The following STXBP5L variants were observed in gnomAD, a reference collection of about 807,000 sequenced individuals.
STXBP5L encodes the protein syntaxin-binding protein 5-like.
A neutral mutation model predicts 144.5 loss-of-function variants in STXBP5L; 65 were observed. That is an observed-to-expected ratio of 0.45 (90% confidence interval 0.37 to 0.55). The LOEUF is 0.55. Ranked by LOEUF, STXBP5L falls within the 20% of genes least tolerant of loss-of-function variation. The probability of loss-of-function intolerance (pLI) is 0.00; values close to 1 mark genes in which losing one functional copy is unlikely to be tolerated. For synonymous variants in STXBP5L, 505 were observed against 469.6 expected (o/e 1.08, Z -0.97); for missense variants, 1,298 against 1,405.5 (o/e 0.92, Z 1.22).
chr3:121,395,272 CT>C (rs2046700841), intron 22 of STXBP5L, among the ~76,000 whole-genome samples: 1 of 152,140 alleles, frequency 6.6e-6, no homozygotes, highest in Admixed American at 6.5e-5. Flanking sequence ...AAACAAAACT[CT>C]TCTATTTCAC....
intron 20 of STXBP5L, among the ~76,000 whole-genome samples, chr3:121,369,032 A>AT (rs1189834294): frequency 2.0e-5 from 3 of 152,262 alleles, no homozygotes; most frequent in African/African-American, 4.8e-5. Flanking sequence ...CAAATCCCTG[A>AT]TTTTTTAAGG....
chr3:120,978,193 A>G (rs1388454213), intron 3 of STXBP5L, among the ~76,000 whole-genome samples: 1 of 152,220 alleles, frequency 6.6e-6, no homozygotes, highest in Non-Finnish European at 1.5e-5. Flanking sequence ...AATCAGATGT[A>G]GATTCCGTCT....
intron 3 of STXBP5L, among the ~76,000 whole-genome samples, chr3:120,978,499 T>A (rs1941354117): frequency 6.6e-6 from 1 of 152,214 alleles, no homozygotes; most frequent in Non-Finnish European, 1.5e-5. Context: ...AATTTCCTCC[T>A]GTAGCTCGGA....
chr3:121,054,596 G>A (rs1477330339), intron 5 of STXBP5L, among the ~76,000 whole-genome samples: 1 of 109,268 alleles, frequency 9.2e-6, no homozygotes, highest in Non-Finnish European at 1.8e-5. Context: ...TTGTGGGGTG[G>A]GGGGAGGGGG....
chr3:121,171,127 G>A (rs553741329), intron 9 of STXBP5L, among the ~76,000 whole-genome samples: 24 of 151,952 alleles, frequency 1.6e-4, no homozygotes, highest in Admixed American at 2.6e-4. Flanking sequence ...AAAGGCCTTC[G>A]ATGCAGAAGA....
At chr3:121,163,558 C>T (rs2046396514) in intron 9 of STXBP5L, among the ~76,000 whole-genome samples, 1 of 151,952 alleles carries the variant, frequency 6.6e-6, no homozygotes. Flanking sequence ...CCTGCACTTT[C>T]TGCACATACA....
intron 20 of STXBP5L, among the ~76,000 whole-genome samples, chr3:121,339,809 A>T (rs2044640806): frequency 6.8e-6 from 1 of 147,688 alleles, no homozygotes; most frequent in South Asian, 2.1e-4. Context: ...CCCTTATATA[A>T]TAGCTGAAAA....
intron 11 of STXBP5L, among the ~76,000 whole-genome samples, chr3:121,229,368 A>C (rs1432456558): frequency 1.3e-5 from 2 of 152,236 alleles, no homozygotes; most frequent in Non-Finnish European, 1.5e-5. Context: ...TCTCAATAAA[A>C]GACATTTTTT....
Position 120,949,177 on chromosome 3 carries a change from CAT to C in STXBP5L, c.190-5762_190-5761del, listed in dbSNP as rs545715886. Reference sequence around the variant, plus strand: ...ATAATTAATGGTCTTGAGCATTTTTCATGTTTGTTGACCATTTGTGTATCTTC... The same window carrying C: ...ATAATTAATGGTCTTGAGCATTTTTCGTTTGTTGACCATTTGTGTATCTTC... On this transcript the variant is annotated intron_variant, in intron 2 of 26. Coordinates refer to ENST00000471454, the MANE Select transcript of STXBP5L (RefSeq NM_001308330.2). Among the ~76,000 whole-genome samples the C allele has an allele frequency of 5.7e-4, 86 of 151,886 alleles. 2 individuals are homozygous for C. In the South Asian group the frequency reaches 0.015, roughly 26 times the overall value.
intron 19 of STXBP5L, among the ~76,000 whole-genome samples, chr3:121,305,250 A>C (rs2108500693): frequency 6.6e-6 from 1 of 152,304 alleles, no homozygotes; most frequent in East Asian, 1.9e-4. Flanking sequence ...GGAAGAAGTA[A>C]CACCAATCTT....
chr3:120,992,088 A>T (rs1365754707), intron 3 of STXBP5L, among the ~76,000 whole-genome samples: 7 of 152,066 alleles, frequency 4.6e-5, no homozygotes, highest in Non-Finnish European at 1.0e-4. Context: ...TGTAGAGAAC[A>T]TTTTTTTGGA....
At chr3:120,912,245 G>T (rs1708875502) in intron 2 of STXBP5L, among the ~76,000 whole-genome samples, 1 of 151,660 alleles carries the variant, frequency 6.6e-6, no homozygotes, top group Non-Finnish European at 1.5e-5. Context: ...TACAATAATG[G>T]CTATTTCTGA....
chr3:121,396,477 A>C (rs2046732676), intron 22 of STXBP5L, among the ~76,000 whole-genome samples: 1 of 152,222 alleles, frequency 6.6e-6, no homozygotes, highest in African/African-American at 2.4e-5. Flanking sequence ...TCTGATTGGC[A>C]TGTAGCCCAA....
At chr3:120,952,049 G>C (rs12635816) in intron 2 of STXBP5L, among the ~76,000 whole-genome samples, 20,164 of 150,500 alleles carry the variant, frequency 0.13, 1,518 homozygotes, top group South Asian at 0.27. Context: ...GTAAACTATC[G>C]CAAGAACAAA....
chr3:120,909,979 C>G (rs1413220907), intron 2 of STXBP5L, among the ~76,000 whole-genome samples: 1 of 152,086 alleles, frequency 6.6e-6, no homozygotes. Context: ...AATGAGCACA[C>G]ACAAAAAGTA....
In STXBP5L at chr3:121,057,054, T is replaced by C. The variant is rs191984057; in HGVS notation, c.470+11519T>C. On this transcript the variant is annotated intron_variant, in intron 5 of 26. Transcript: ENST00000471454. ...AATTAGCAAGATCTTTAGAATATAT[T>C]ATAAAGAAGGAAGAAAGCAAGACAG... is the stretch of plus-strand genomic sequence containing the variant. Among the ~76,000 whole-genome samples, 494 of 151,404 alleles carry C rather than the reference T, an allele frequency of 3.3e-3. 2 individuals are homozygous for C. The highest frequency in any genetic ancestry group is 0.011 in the African/African-American group (469 of 41,418).
chr3:121,064,928 T>G (rs1204783185), intron 5 of STXBP5L, among the ~76,000 whole-genome samples: 1 of 152,178 alleles, frequency 6.6e-6, no homozygotes, highest in African/African-American at 2.4e-5. Flanking sequence ...ATAGTGTCCA[T>G]TCTTCAAATG....
At chr3:120,925,766 A>C (rs1405996966) in intron 2 of STXBP5L, among the ~76,000 whole-genome samples, 1 of 152,062 alleles carries the variant, frequency 6.6e-6, no homozygotes, top group African/African-American at 2.4e-5. Context: ...GATTTTCTCT[A>C]GTAATATGTC....
intron 5 of STXBP5L, among the ~76,000 whole-genome samples, chr3:121,089,671 C>G (rs1357593240): frequency 1.3e-5 from 2 of 151,626 alleles, no homozygotes; most frequent in East Asian, 1.9e-4. Flanking sequence ...CTTTTTCAGT[C>G]TCATCCTCTT....
Sources: allele counts gnomAD v4.1 joint callset (sites outside exome capture counted in the v4.1 genomes callset), GRCh38; gene constraint gnomAD v4.1.1; transcripts MANE v1.5; gene names NCBI Gene and HGNC (gene_info 2026-07-23, HGNC 2026-07-21).